The following NAP1L4 variants were observed in gnomAD, a reference collection of about 807,000 sequenced individuals.
The protein encoded by NAP1L4 is nucleosome assembly protein 1-like 4.
A neutral mutation model predicts 58.2 loss-of-function variants in NAP1L4; 15 were observed. That is an observed-to-expected ratio of 0.26 (90% CI 0.17 to 0.40). NAP1L4 has a LOEUF of 0.40. NAP1L4 is among the 10% of genes least tolerant of loss of function. NAP1L4 has a pLI of 1.00. For missense variants in NAP1L4, 384 were observed against 451.1 expected, an observed-to-expected ratio of 0.85 and a Z score of 1.35; for synonymous variants, 171 against 155.6, an observed-to-expected ratio of 1.10 and a Z score of -0.74.
chr11:2,966,203 A>C (rs1847267999), intron 7 of NAP1L4, among the ~76,000 whole-genome samples: 1 of 152,236 alleles, frequency 6.6e-6, no homozygotes, highest in South Asian at 2.1e-4. Context: ...TAATAATTGT[A>C]CTATTTATGG....
rs557060713 is a variant in NAP1L4 at position 2,946,707 on chromosome 11, C to A, written c.*33-1061G>T. ...GTGTAAAATATGCAAAAAACAAAAT[C>A]AATAACCTTGAACCCTGGTGTCTAA... On this transcript the variant is annotated intron_variant, in intron 15 of 15. Transcript: ENST00000380542. This position sits in a 1 kb window ranked among gnomAD's most constrained non-coding sequence, Gnocchi z 4.8. Among the ~76,000 whole-genome samples, 3 of 152,280 alleles carry A rather than the reference C, an allele frequency of 2.0e-5. No individual in the cohort carries two copies. The South Asian group carries it at 6.2e-4, about 32-fold the overall frequency.
intron 8 of NAP1L4, chr11:2,963,966 AAAGT>A (rs1847106651): frequency 2.0e-6 from 1 of 506,418 alleles, no homozygotes. Flanking sequence ...TCCTCAGATA[AAAGT>A]AAGGGCTGAC....
chr11:2,974,810 T>C (rs1333470953), intron 4 of NAP1L4, among the ~76,000 whole-genome samples: 7 of 152,102 alleles, frequency 4.6e-5, no homozygotes, highest in South Asian at 2.1e-4. Context: ...TGTATACCTA[T>C]GTAACAAACC....
chr11:2,947,592 A>G (rs1011012442), intron 15 of NAP1L4, among the ~76,000 whole-genome samples: 1 of 151,670 alleles, frequency 6.6e-6, no homozygotes, highest in African/African-American at 2.4e-5. Flanking sequence ...AGAGACACCA[A>G]TTGTTTTTAG....
chr11:2,976,517 A>G (rs1847973064), intron 3 of NAP1L4, among the ~76,000 whole-genome samples: 1 of 152,138 alleles, frequency 6.6e-6, no homozygotes. Context: ...CTCAAAGTAA[A>G]AGAGCATCCA....
At chr11:2,984,133 C>G (rs1232943166) in intron 1 of NAP1L4, among the ~76,000 whole-genome samples, 1 of 140,264 alleles carries the variant, frequency 7.1e-6, no homozygotes, top group Non-Finnish European at 1.5e-5. Flanking sequence ...CGCCACTGAA[C>G]TCCAGCCTGG....
intron 9 of NAP1L4, chr11:2,958,803 T>C (rs1427097542): frequency 2.1e-6 from 1 of 486,960 alleles, no homozygotes; most frequent in African/African-American, 1.9e-5. Context: ...AGACATTTCA[T>C]CAGGACTCTG....
chr11:2,981,860 C>G (rs565854916), intron 1 of NAP1L4: 11 of 152,532 alleles, frequency 7.2e-5, no homozygotes, highest in Admixed American at 7.2e-4. Context: ...AATGGTCCCC[C>G]GTCACCTTCT....
At chr11:2,982,316 G>C (rs1848367953) in intron 1 of NAP1L4, among the ~76,000 whole-genome samples, 2 of 152,138 alleles carry the variant, frequency 1.3e-5, no homozygotes. Flanking sequence ...TATTGCCTAA[G>C]AAATGTATCT....
intron 1 of NAP1L4, chr11:2,989,188 C>G (rs1848814057): frequency 6.6e-6 from 1 of 152,184 alleles, no homozygotes; most frequent in African/African-American, 2.4e-5. Flanking sequence ...CTGCAGAGAT[C>G]AGCTACTTCC....
At chr11:2,979,857 AT>A (rs1358694698) in intron 1 of NAP1L4, among the ~76,000 whole-genome samples, 2 of 152,290 alleles carry the variant, frequency 1.3e-5, no homozygotes, top group Non-Finnish European at 2.9e-5. Context: ...AATTTGCCTT[AT>A]TTTTTATAAT....
chr11:2,963,678 G>A (rs1847084788), intron 8 of NAP1L4: 1 of 500,062 alleles, frequency 2.0e-6, no homozygotes, highest in African/African-American at 1.9e-5. Flanking sequence ...CCAGTGCTGA[G>A]ATGGGGAGGA....
Position 2,959,760 on chromosome 11 carries a change from AT to A in NAP1L4, c.746+9del. The A allele has an allele frequency of 1.9e-6, 3 of 1,609,342 alleles. No homozygotes were observed. The highest frequency in any genetic ancestry group is 2.5e-6 in the Non-Finnish European group (3 of 1,178,676). On this transcript the variant is annotated intron_variant, in intron 9 of 15. Transcript: ENST00000380542. This position sits in a 1 kb window ranked among gnomAD's most constrained non-coding sequence, Gnocchi z 4.9. ...TTTCAGAAAAACAAGGTAGAATGAC[AT>A]TTTCTTACCCGTCACAGTCCACAAT...
At chr11:2,963,585 C>G (rs909241832) in intron 8 of NAP1L4, among the ~76,000 whole-genome samples, 15 of 152,342 alleles carry the variant, frequency 9.8e-5, no homozygotes, top group African/African-American at 3.4e-4. Context: ...ACTGCCCACC[C>G]CTGCTGCTGC....
rs1397975673 is a variant in NAP1L4 at position 2,949,622 on chromosome 11, C to T, written c.1123-358G>A. Among the ~76,000 whole-genome samples the T allele has an allele frequency of 3.3e-5, 5 of 152,302 alleles. No homozygotes were observed. The highest frequency in any genetic ancestry group is 4.8e-5 in the African/African-American group (2 of 41,560). ...TCTGAACTTCATTCACACCATTAGC[C>T]GGAACATGTTTTTAGTCCCTTCTCC... On this transcript the variant is annotated intron_variant, in intron 14 of 15. Transcript: ENST00000380542. The surrounding 1 kb of genome is among the most constrained non-coding windows in gnomAD (Gnocchi z 4.0).
chr11:2,976,599 C>T (rs1249595234), intron 3 of NAP1L4, among the ~76,000 whole-genome samples: 2 of 152,222 alleles, frequency 1.3e-5, no homozygotes, highest in African/African-American at 4.8e-5. Flanking sequence ...TAGCTCTCTG[C>T]CAGCACTGTT....
chr11:2,974,989 G>A (rs919380097), intron 4 of NAP1L4, among the ~76,000 whole-genome samples: 2 of 151,960 alleles, frequency 1.3e-5, no homozygotes, highest in East Asian at 1.9e-4. Context: ...GGATGACAGA[G>A]CAAGAGTCTG....
Position 2,958,763 on chromosome 11 carries a change from GACTTCTGGA to G in NAP1L4, c.747-228_747-220del, listed in dbSNP as rs1287500342. 1.1e-5 allele frequency: 6 copies of G among 557,884 alleles called. No individual in the cohort carries two copies. In the Admixed American group the frequency reaches 1.8e-4, roughly 16 times the overall value. The allele number at this position is 557,884 out of a possible 1,614,324, so 34.6% of individuals were successfully genotyped here. ...CTTGGGTGTGACCACTGGAACTTCA[GACTTCTGGA>G]ACAATGGTATTATTTTCCCAAGACA... On this transcript the variant is annotated intron_variant, in intron 9 of 15. Coordinates refer to ENST00000380542, the MANE Select transcript of NAP1L4 (RefSeq NM_005969.4).
Position 2,945,460 on chromosome 11 carries a change from A to T in NAP1L4, c.*219T>A. On this transcript the variant is annotated 3_prime_UTR_variant, in exon 16 of 16. Coordinates refer to ENST00000380542, the MANE Select transcript of NAP1L4 (RefSeq NM_005969.4). ...AAGTTAAGCAAAATAATAAGGAAAA[A>T]GGAAAAGTGAAAGTGAAAATCATGC... 1.5e-6 allele frequency: 1 copy of T among 689,110 alleles called. No homozygotes were observed. The highest frequency in any genetic ancestry group is 2.4e-6 in the Non-Finnish European group (1 of 423,142). 42.7% of individuals were successfully genotyped at this position (689,110 alleles called of 1,614,324 possible).
Sources: allele counts gnomAD v4.1 joint callset (sites outside exome capture counted in the v4.1 genomes callset), GRCh38; gene constraint gnomAD v4.1.1; non-coding constraint Gnocchi (gnomAD v3.1); transcripts MANE v1.5; gene names NCBI Gene and HGNC (gene_info 2026-07-23, HGNC 2026-07-21).